WSCD2: variants seen among roughly 807,000 people sequenced by gnomAD.
WSCD2 encodes the protein WSC domain sialate O sulfotransferase 2.
A neutral mutation model predicts 55.7 loss-of-function variants in WSCD2; 28 were observed. The observed-to-expected ratio is 0.50, with a 90% confidence interval of 0.37 to 0.69. The LOEUF (loss-of-function observed/expected upper bound fraction) is 0.69. Ranked by LOEUF, WSCD2 falls within the 30% of genes least tolerant of loss-of-function variation. The pLI is 0.00. For missense variants in WSCD2, 616 were observed against 762.1 expected, an observed-to-expected ratio of 0.81 and a Z score of 2.26; for synonymous variants, 301 against 301.9, an observed-to-expected ratio of 1.00 and a Z score of 0.03.
intron 1 of WSCD2, among the ~76,000 whole-genome samples, chr12:108,179,133 T>G (rs1881311945): frequency 6.6e-6 from 1 of 152,116 alleles, no homozygotes; most frequent in African/African-American, 2.4e-5. Context: ...GCCTGTTTAA[T>G]TGTCTGGATA....
At chr12:108,174,083 T>A (rs1038732902) in intron 1 of WSCD2, among the ~76,000 whole-genome samples, 2 of 152,090 alleles carry the variant, frequency 1.3e-5, no homozygotes, top group African/African-American at 4.8e-5. Flanking sequence ...TGTCCCCACT[T>A]GACAGATGAC....
At chr12:108,149,456 A>G (rs1877734257) in intron 1 of WSCD2, among the ~76,000 whole-genome samples, 1 of 152,226 alleles carries the variant, frequency 6.6e-6, no homozygotes, top group Admixed American at 6.5e-5. Context: ...TAGGCCTGTC[A>G]GAAGCTTTCA....
rs554606171 is a variant in WSCD2 at position 108,211,290 on chromosome 12, C to T, written c.682+985C>T. Among the ~76,000 whole-genome samples the T allele has an allele frequency of 1.2e-4, 18 of 152,310 alleles. No homozygotes were observed. In the East Asian group the frequency reaches 3.5e-3, roughly 29 times the overall value. ...CAGTCCAAGGACAGAAGCAGAAATC[C>T]ACAGCTGCTTCTCTAGCCCTCTGGC... On this transcript the variant is annotated intron_variant, in intron 4 of 8. Transcript: ENST00000547525.
intron 2 of WSCD2, among the ~76,000 whole-genome samples, chr12:108,199,372 G>C (rs1884369153): frequency 6.6e-6 from 1 of 152,142 alleles, no homozygotes; most frequent in Non-Finnish European, 1.5e-5. Flanking sequence ...CTGAGCTGAG[G>C]CTGGGCAGGA....
chr12:108,223,526 G>A (rs1173830802), intron 4 of WSCD2, among the ~76,000 whole-genome samples: 1 of 152,072 alleles, frequency 6.6e-6, no homozygotes, highest in Non-Finnish European at 1.5e-5. Flanking sequence ...TTATCTCATT[G>A]CTAGACACCT....
In WSCD2 at chr12:108,129,316, A is replaced by G. The variant is rs1875233594; in HGVS notation, c.-1162A>G. Reference sequence around the variant, plus strand: ...GCGCGCTGCTGGTGGCGGCGGCGGCAGCGGCGCGGGAGCTAGGGCTGGAGA... The same window carrying G: ...GCGCGCTGCTGGTGGCGGCGGCGGCGGCGGCGCGGGAGCTAGGGCTGGAGA... On this transcript the variant is annotated 5_prime_UTR_variant, in exon 1 of 9. Transcript: ENST00000547525. Among the ~76,000 whole-genome samples the G allele has an allele frequency of 6.6e-6, 1 of 152,050 alleles. No homozygotes were observed. Among genetic ancestry groups the G allele is most frequent in the Non-Finnish European group, 1.5e-5 (1 of 67,976 alleles).
At chr12:108,177,275 T>A in intron 1 of WSCD2, among the ~76,000 whole-genome samples, 1 of 152,196 alleles carries the variant, frequency 6.6e-6, no homozygotes, top group East Asian at 1.9e-4. Context: ...TAAATAGGAC[T>A]GGTGTGCGAG....
At chr12:108,203,215 A>T (rs182773387) in intron 2 of WSCD2, among the ~76,000 whole-genome samples, 89 of 152,298 alleles carry the variant, frequency 5.8e-4, no homozygotes, top group Non-Finnish European at 1.1e-3. Flanking sequence ...TAAAGAAGAA[A>T]ATGCATTGTG....
At chr12:108,138,209 C>G (rs1876420699) in intron 1 of WSCD2, among the ~76,000 whole-genome samples, 1 of 152,184 alleles carries the variant, frequency 6.6e-6, no homozygotes, top group African/African-American at 2.4e-5. Flanking sequence ...GTTTGATGGC[C>G]AGCATGCGGG....
At chr12:108,213,244 T>A (rs1290124567) in intron 4 of WSCD2, among the ~76,000 whole-genome samples, 1 of 152,132 alleles carries the variant, frequency 6.6e-6, no homozygotes, top group Admixed American at 6.5e-5. Context: ...GTTAAAAGGA[T>A]AATTTTGTGC....
chr12:108,230,088 T>C (rs1156595231), intron 6 of WSCD2, among the ~76,000 whole-genome samples: 4 of 152,226 alleles, frequency 2.6e-5, no homozygotes, highest in Admixed American at 1.3e-4. Flanking sequence ...TCATTGGTTA[T>C]ATAATTCAAT....
At chr12:108,208,167 C>T (rs1885660186) in intron 3 of WSCD2, among the ~76,000 whole-genome samples, 1 of 152,176 alleles carries the variant, frequency 6.6e-6, no homozygotes, top group Non-Finnish European at 1.5e-5. Flanking sequence ...CATCCACAGC[C>T]CTGTCCTCAG....
rs767756776 is a variant in WSCD2, at chr12:108,224,313, C to T, written c.683-426C>T. ...TAGTAGTGAGTAAGGACAGGACAGC[C>T]CCAGAATCCTTGCTTCCCTCAGTCC... is the stretch of plus-strand genomic sequence containing the variant. On this transcript the variant is annotated intron_variant, in intron 4 of 8. Transcript: ENST00000547525. 3.2e-4 allele frequency among the ~76,000 whole-genome samples: 48 copies of T among 152,198 alleles called. No individual in the cohort carries two copies. The Middle Eastern group carries it at 0.01, about 32-fold the overall frequency.
At chr12:108,188,147 G>C (rs1394460192) in intron 1 of WSCD2, among the ~76,000 whole-genome samples, 2 of 152,184 alleles carry the variant, frequency 1.3e-5, no homozygotes, top group Admixed American at 1.3e-4. Context: ...TTTTGGGGAA[G>C]ATAAATGAAA....
At chr12:108,181,286 G>A (rs193236476) in intron 1 of WSCD2, among the ~76,000 whole-genome samples, 5 of 152,258 alleles carry the variant, frequency 3.3e-5, no homozygotes, top group Non-Finnish European at 5.9e-5. Flanking sequence ...GTGTGTGGGC[G>A]GCTGCGTGTT....
intron 1 of WSCD2, among the ~76,000 whole-genome samples, chr12:108,179,542 C>A (rs1347916836): frequency 6.6e-6 from 1 of 152,180 alleles, no homozygotes; most frequent in South Asian, 2.1e-4. Flanking sequence ...GTGAGGCCTC[C>A]CTTCTCTCTG....
In WSCD2 at chr12:108,249,618, T is replaced by C. The variant is rs1418583727; in HGVS notation, c.*1275T>C. ...ATGTAGATGAAAAAGCCATAGGTCA[T>C]AGCCTCTTTGCTATTCTATTGGAGT... On this transcript the variant is annotated 3_prime_UTR_variant, in exon 9 of 9. Transcript: ENST00000547525. The C allele has an allele frequency of 3.9e-5, 6 of 152,674 alleles. No homozygotes were observed. The highest frequency in any genetic ancestry group is 1.5e-5 in the Non-Finnish European group (1 of 68,046). 9.5% of individuals were successfully genotyped at this position (152,674 alleles called of 1,614,324 possible). A position where few individuals can be genotyped will look rare whatever the true frequency, so the allele number is the denominator to read the frequency against.
intron 1 of WSCD2, among the ~76,000 whole-genome samples, chr12:108,163,489 G>A (rs1162257762): frequency 6.6e-6 from 1 of 152,200 alleles, no homozygotes; most frequent in Non-Finnish European, 1.5e-5. Context: ...TCAAATCCCT[G>A]GAACCTGCAA....
chr12:108,240,223 A>G (rs1593121955), intron 7 of WSCD2, 121 bp from the exon 8 acceptor site: 3 of 1,264,442 alleles, frequency 2.4e-6, no homozygotes, highest in Non-Finnish European at 3.3e-6. Flanking sequence ...TGCTCAATAA[A>G]TACGCGAATG....
Sources: allele counts gnomAD v4.1 joint callset (sites outside exome capture counted in the v4.1 genomes callset), GRCh38; gene constraint gnomAD v4.1.1; transcripts MANE v1.5; gene names NCBI Gene and HGNC (gene_info 2026-07-23, HGNC 2026-07-21).